The following PLD5 variants were observed in gnomAD, a reference collection of about 807,000 sequenced individuals.
The protein encoded by PLD5 is phospholipase D family member 5, also known as inactive phospholipase D5.
PLD5 carries 36 observed loss-of-function variants against 61.1 expected under a neutral mutation model. The observed-to-expected ratio is 0.59, with a 90% CI of 0.45 to 0.78. The LOEUF is 0.78. Ranked by LOEUF, PLD5 falls within the 30% of genes least tolerant of loss-of-function variation. The pLI is 0.00. For synonymous variants in PLD5, 243 were observed against 242.8 expected (o/e 1.00, Z -0.01); for missense variants, 515 against 644.4 (o/e 0.80, Z 2.17).
intron 1 of PLD5, among the ~76,000 whole-genome samples, chr1:242,481,844 A>ACTC (rs1285226498): frequency 6.6e-6 from 1 of 152,064 alleles, no homozygotes; most frequent in African/African-American, 2.4e-5. Context: ...ACGGCCAGGT[A>ACTC]CTCCTCTCAG....
At chr1:242,421,036 C>A (rs1019168609) in intron 1 of PLD5, among the ~76,000 whole-genome samples, 1 of 151,682 alleles carries the variant, frequency 6.6e-6, no homozygotes. Flanking sequence ...AAAAATTAGC[C>A]GGGCGTGGTG....
intron 6 of PLD5, among the ~76,000 whole-genome samples, chr1:242,122,879 A>G (rs955919273): frequency 6.6e-5 from 10 of 152,334 alleles, no homozygotes; most frequent in African/African-American, 2.4e-4. Flanking sequence ...CTTTATCTTC[A>G]ACAAAATGCT....
At chr1:242,489,776 C>G (rs1009878355) in intron 1 of PLD5, among the ~76,000 whole-genome samples, 5 of 152,154 alleles carry the variant, frequency 3.3e-5, no homozygotes, top group African/African-American at 1.2e-4. Context: ...TGTGTTGGCT[C>G]TTACAGAATC....
At chr1:242,435,872 T>G (rs1473410257) in intron 1 of PLD5, among the ~76,000 whole-genome samples, 1 of 152,180 alleles carries the variant, frequency 6.6e-6, no homozygotes, top group Non-Finnish European at 1.5e-5. Context: ...CACTACTCTA[T>G]GCCTTCAAGT....
chr1:242,284,192 C>T (rs1574664635), intron 3 of PLD5, among the ~76,000 whole-genome samples: 2 of 126,300 alleles, frequency 1.6e-5, no homozygotes, highest in Admixed American at 1.9e-4. Context: ...GGCTGGAGTG[C>T]AGTGGCTCAA....
intron 4 of PLD5, among the ~76,000 whole-genome samples, chr1:242,234,891 G>A (rs554123767): frequency 2.6e-5 from 4 of 152,264 alleles, no homozygotes; most frequent in South Asian, 4.2e-4. Flanking sequence ...AGTTCCTGGT[G>A]TAGACTTGAG....
At chr1:242,453,994 G>C (rs1392850957) in intron 1 of PLD5, among the ~76,000 whole-genome samples, 1 of 152,132 alleles carries the variant, frequency 6.6e-6, no homozygotes, top group African/African-American at 2.4e-5. Flanking sequence ...CTGGTGATTA[G>C]AGACCCTTTA....
intron 6 of PLD5, among the ~76,000 whole-genome samples, chr1:242,118,998 C>T (rs372368963): frequency 1.6e-3 from 238 of 152,194 alleles, no homozygotes; most frequent in African/African-American, 5.2e-3. Flanking sequence ...ATTAATTTTC[C>T]GAGCCTTGTG....
At chr1:242,340,606 T>C (rs1659776605) in intron 2 of PLD5, among the ~76,000 whole-genome samples, 1 of 152,184 alleles carries the variant, frequency 6.6e-6, no homozygotes, top group Non-Finnish European at 1.5e-5. Flanking sequence ...CAGATGCTAT[T>C]GTATCAAAGG....
intron 4 of PLD5, 79 bp downstream of exon 4, chr1:242,265,255 AATT>A (rs1371563779): frequency 4.7e-6 from 7 of 1,478,554 alleles, no homozygotes; most frequent in Non-Finnish European, 5.4e-6. Flanking sequence ...ACCATAAAGA[AATT>A]ATATATTATT....
intron 5 of PLD5, among the ~76,000 whole-genome samples, chr1:242,218,207 C>A (rs1298820916): frequency 6.6e-6 from 1 of 152,124 alleles, no homozygotes; most frequent in African/African-American, 2.4e-5. Flanking sequence ...AACCCTCCAC[C>A]AGCAAAAATC....
chr1:242,328,381 T>C (rs1230143877), intron 2 of PLD5, among the ~76,000 whole-genome samples: 1 of 152,168 alleles, frequency 6.6e-6, no homozygotes, highest in Non-Finnish European at 1.5e-5. Flanking sequence ...CTACATGTGT[T>C]CACACGTGTT....
At chr1:242,351,000 C>G (rs1003701824) in intron 1 of PLD5, among the ~76,000 whole-genome samples, 4 of 151,786 alleles carry the variant, frequency 2.6e-5, no homozygotes, top group Non-Finnish European at 5.9e-5. Context: ...CTCCCAGGCT[C>G]AAGCCTCAGC....
intron 1 of PLD5, among the ~76,000 whole-genome samples, chr1:242,407,739 T>G (rs112478722): frequency 0.04 from 6,073 of 151,884 alleles, 413 homozygotes; most frequent in African/African-American, 0.14. Flanking sequence ...CCACCACACC[T>G]GGCTAATTTT....
chr1:242,155,209 T>A (rs1404249439), intron 5 of PLD5, among the ~76,000 whole-genome samples: 39 of 152,156 alleles, frequency 2.6e-4, no homozygotes, highest in Non-Finnish European at 2.9e-5. Context: ...CTGTATAATT[T>A]TTTTTGTGTG....
At chr1:242,482,866 G>A (rs1667829477) in intron 1 of PLD5, among the ~76,000 whole-genome samples, 1 of 152,236 alleles carries the variant, frequency 6.6e-6, no homozygotes, top group East Asian at 1.9e-4. Context: ...TCTCTCGGCA[G>A]AAACTCTACA....
intron 5 of PLD5, among the ~76,000 whole-genome samples, chr1:242,178,791 C>T (rs1667337347): frequency 6.6e-6 from 1 of 152,188 alleles, no homozygotes; most frequent in Non-Finnish European, 1.5e-5. Context: ...CCACTGATCC[C>T]TCCATATGTC....
intron 7 of PLD5, among the ~76,000 whole-genome samples, chr1:242,109,330 T>C (rs1196255748): frequency 6.6e-6 from 1 of 152,036 alleles, no homozygotes; most frequent in East Asian, 1.9e-4. Flanking sequence ...ATACAAAAAT[T>C]AGCTGGACAT....
At chr1:242,298,383 C>T (rs1200981753) in intron 2 of PLD5, among the ~76,000 whole-genome samples, 1 of 152,170 alleles carries the variant, frequency 6.6e-6, no homozygotes, top group African/African-American at 2.4e-5. Flanking sequence ...TACATAGCAT[C>T]GTCAACAACA....
Sources: allele counts gnomAD v4.1 joint callset (sites outside exome capture counted in the v4.1 genomes callset), GRCh38; gene constraint gnomAD v4.1.1; transcripts MANE v1.5; gene names NCBI Gene and HGNC (gene_info 2026-07-23, HGNC 2026-07-21).